HHAT: variants seen among roughly 807,000 people sequenced by gnomAD.
HHAT encodes the protein hedgehog acyltransferase.
HHAT carries 47 observed loss-of-function variants against 70.8 expected under a neutral mutation model. The observed-to-expected ratio is 0.66, with a 90% CI of 0.53 to 0.85. HHAT has a LOEUF of 0.85. Among genes scored for constraint, HHAT ranks in the 40% least tolerant of loss-of-function variants. The probability of loss-of-function intolerance (pLI) is 0.00; values close to 1 mark genes in which losing one functional copy is unlikely to be tolerated. For missense variants in HHAT, 609 were observed against 604.8 expected (o/e 1.01, Z -0.07); for synonymous variants, 228 against 247.6 (o/e 0.92, Z 0.74).
chr1:210,621,851 A>G (rs973170070), intron 10 of HHAT, among the ~76,000 whole-genome samples: 2 of 152,212 alleles, frequency 1.3e-5, no homozygotes, highest in Non-Finnish European at 2.9e-5. Context: ...TGTCCACTGC[A>G]CAGCTTCTCT....
intron 2 of HHAT, among the ~76,000 whole-genome samples, chr1:210,361,083 G>C (rs1030007217): frequency 6.6e-6 from 1 of 152,088 alleles, no homozygotes; most frequent in African/African-American, 2.4e-5. Flanking sequence ...AAAAAAAAGA[G>C]CTTAAGTTTT....
At chr1:210,348,736 C>CGTGTGTGT (rs71303046) in intron 1 of HHAT, among the ~76,000 whole-genome samples, 197 bp from the exon 2 acceptor site, 23,449 of 147,840 alleles carry the variant, frequency 0.16, 2,835 homozygotes, top group African/African-American at 0.32. Flanking sequence ...TGTATGTGTG[C>CGTGTGTGT]GTGTGTGTGT....
chr1:210,457,645 C>T (rs2093897564), intron 7 of HHAT, among the ~76,000 whole-genome samples: 2 of 152,152 alleles, frequency 1.3e-5, no homozygotes. Context: ...CTAAGGGGCA[C>T]CTCTCTCCAA....
At chr1:210,647,204 A>T (rs1366241950) in intron 11 of HHAT, among the ~76,000 whole-genome samples, 4 of 152,104 alleles carry the variant, frequency 2.6e-5, no homozygotes, top group Non-Finnish European at 4.4e-5. Context: ...CATCACTCCT[A>T]TCTGTCTCCT....
chr1:210,626,079 G>T (rs906894135), intron 11 of HHAT, among the ~76,000 whole-genome samples: 1 of 152,224 alleles, frequency 6.6e-6, no homozygotes, highest in Non-Finnish European at 1.5e-5. Context: ...ATTGAGATGT[G>T]TGGGGGTCAA....
intron 3 of HHAT, among the ~76,000 whole-genome samples, chr1:210,385,985 C>T (rs1478495656): frequency 6.6e-6 from 1 of 152,038 alleles, no homozygotes; most frequent in Non-Finnish European, 1.5e-5. Flanking sequence ...AAACAAGCCT[C>T]CAGTCTTAGC....
chr1:210,641,339 C>T (rs1672936884), intron 11 of HHAT, among the ~76,000 whole-genome samples: 1 of 152,154 alleles, frequency 6.6e-6, no homozygotes, highest in African/African-American at 2.4e-5. Flanking sequence ...AGTCAGTACC[C>T]AGCATCCTGG....
chr1:210,374,162 C>T (rs968500658), intron 3 of HHAT: 3 of 152,142 alleles, frequency 2.0e-5, no homozygotes, highest in African/African-American at 2.4e-5. Context: ...ATCTGCCTCC[C>T]CAGGGCAAGG....
At chr1:210,585,324 A>G (rs1660192510) in intron 9 of HHAT, among the ~76,000 whole-genome samples, 1 of 152,210 alleles carries the variant, frequency 6.6e-6, no homozygotes, top group Non-Finnish European at 1.5e-5. Flanking sequence ...AGGATGTTAA[A>G]GAAAAACCAG....
At chr1:210,412,139 T>C (rs945656428) in intron 6 of HHAT, among the ~76,000 whole-genome samples, 7 of 152,148 alleles carry the variant, frequency 4.6e-5, no homozygotes, top group African/African-American at 1.7e-4. Context: ...TTCCCAACCA[T>C]GAAGAATGCC....
chr1:210,512,148 G>C (rs1161736077), intron 8 of HHAT, among the ~76,000 whole-genome samples: 2 of 152,128 alleles, frequency 1.3e-5, no homozygotes, highest in African/African-American at 4.8e-5. Flanking sequence ...TGAGCCTCAA[G>C]CACAAAGTCA....
chr1:210,459,711 C>A (rs574523865), intron 7 of HHAT, among the ~76,000 whole-genome samples: 1 of 152,238 alleles, frequency 6.6e-6, no homozygotes, highest in East Asian at 1.9e-4. Context: ...CTCAACAGTT[C>A]TGAGCTCCCT....
chr1:210,432,931 C>G (rs547109590), intron 7 of HHAT, among the ~76,000 whole-genome samples: 116 of 151,888 alleles, frequency 7.6e-4, no homozygotes, highest in Non-Finnish European at 1.2e-3. Context: ...TGAACTAATA[C>G]AGAGATACTG....
intron 11 of HHAT, among the ~76,000 whole-genome samples, chr1:210,650,626 G>C (rs942530698): frequency 3.9e-5 from 6 of 152,096 alleles, no homozygotes; most frequent in African/African-American, 1.4e-4. Context: ...ACATTTAAGG[G>C]GATTCGGATC....
intron 7 of HHAT, among the ~76,000 whole-genome samples, chr1:210,454,280 A>C (rs111732010): frequency 6.6e-6 from 1 of 152,168 alleles, no homozygotes; most frequent in Admixed American, 6.5e-5. Flanking sequence ...TCGGCCGGGC[A>C]CGGTGACTCA....
chr1:210,645,051 T>C (rs114518883), intron 11 of HHAT, among the ~76,000 whole-genome samples: 2,580 of 152,322 alleles, frequency 0.017, 35 homozygotes, highest in Middle Eastern at 0.031. Context: ...TTAGTTAATA[T>C]ATTTAGTCCT....
intron 11 of HHAT, among the ~76,000 whole-genome samples, chr1:210,646,198 T>C (rs1000066438): frequency 1.3e-5 from 2 of 152,226 alleles, no homozygotes; most frequent in Non-Finnish European, 2.9e-5. Context: ...AAGTCTCTGT[T>C]TACTTTTAAA....
At chr1:210,598,484 G>A (rs1299010242) in intron 10 of HHAT, among the ~76,000 whole-genome samples, 1 of 152,178 alleles carries the variant, frequency 6.6e-6, no homozygotes, top group Non-Finnish European at 1.5e-5. Flanking sequence ...TTGGGGACAA[G>A]TGTTGCTGGA....
At chr1:210,595,793 G>T (rs576322922) in intron 10 of HHAT, among the ~76,000 whole-genome samples, 1 of 152,026 alleles carries the variant, frequency 6.6e-6, no homozygotes, top group African/African-American at 2.4e-5. Flanking sequence ...CATATCCTTC[G>T]CCCACTTTTT....
Sources: gnomAD v4.1 joint callset for allele counts (sites outside exome capture counted in the v4.1 genomes callset) on GRCh38, gnomAD v4.1.1 for gene constraint, MANE v1.5 for transcripts, NCBI Gene and HGNC (gene_info 2026-07-23, HGNC 2026-07-21) for gene names.